The following CEP112 variants were observed in gnomAD, a reference collection of about 807,000 sequenced individuals.
CEP112 encodes centrosomal protein 112.
CEP112 carries 127 observed loss-of-function variants against 153.0 expected under a neutral mutation model. The ratio of observed to expected loss-of-function variants is 0.83; its 90% CI spans 0.72 to 0.96. CEP112 has a LOEUF of 0.96. Among genes scored for constraint, CEP112 ranks in the 40% least tolerant of loss-of-function variants. The pLI, the probability that CEP112 is intolerant of heterozygous loss-of-function variation, is 0.00. For synonymous variants in CEP112, 358 were observed against 374.4 expected, an observed-to-expected ratio of 0.96 and a Z score of 0.51; for missense variants, 1,089 against 1,101.2, an observed-to-expected ratio of 0.99 and a Z score of 0.16.
intron 6 of CEP112, among the ~76,000 whole-genome samples, chr17:66,115,478 C>T (rs2069247752): frequency 6.6e-6 from 1 of 152,174 alleles, no homozygotes; most frequent in South Asian, 2.1e-4. Flanking sequence ...CCCAAGAGTC[C>T]CATAGACAGT....
chr17:66,111,791 A>G (rs1300734462), intron 6 of CEP112, among the ~76,000 whole-genome samples: 1 of 152,126 alleles, frequency 6.6e-6, no homozygotes, highest in Non-Finnish European at 1.5e-5. Flanking sequence ...ACATGTGTTT[A>G]CCTATGTAGC....
intron 23 of CEP112, among the ~76,000 whole-genome samples, chr17:65,712,968 A>G (rs1405561186): frequency 1.3e-5 from 2 of 152,240 alleles, no homozygotes; most frequent in Non-Finnish European, 2.9e-5. Flanking sequence ...AAAACTGGAC[A>G]TAAAAAGTAA....
At chr17:65,751,125 A>T (rs938826181) in intron 21 of CEP112, 4 of 164,200 alleles carry the variant, frequency 2.4e-5, no homozygotes, top group African/African-American at 7.3e-5. Context: ...CACCTTAATT[A>T]AAAAAATAAA....
At chr17:65,793,095 A>G (rs2054692155) in intron 21 of CEP112, among the ~76,000 whole-genome samples, 1 of 152,166 alleles carries the variant, frequency 6.6e-6, no homozygotes, top group Non-Finnish European at 1.5e-5. Flanking sequence ...TAGACCAATA[A>G]CGGAGTAACA....
At chr17:65,737,451 AG>A (rs1272958573) in intron 23 of CEP112, among the ~76,000 whole-genome samples, 1 of 152,172 alleles carries the variant, frequency 6.6e-6, no homozygotes, top group Non-Finnish European at 1.5e-5. Flanking sequence ...GGCTGACAGT[AG>A]GGGAGACGGA....
chr17:66,179,772 TAAAGG>T (rs2072639735), intron 2 of CEP112, among the ~76,000 whole-genome samples: 1 of 152,152 alleles, frequency 6.6e-6, no homozygotes, highest in African/African-American at 2.4e-5. Flanking sequence ...TTCCAGATCT[TAAAGG>T]AAAGGCTTTC....
intron 3 of CEP112, among the ~76,000 whole-genome samples, chr17:66,175,542 C>T (rs1183296605): frequency 6.6e-6 from 1 of 152,048 alleles, no homozygotes; most frequent in Admixed American, 6.6e-5. Context: ...TAATTATGTG[C>T]CATCCTATCT....
chr17:65,639,176 GT>G (rs1455952659), intron 25 of CEP112, among the ~76,000 whole-genome samples: 32 of 152,132 alleles, frequency 2.1e-4, no homozygotes, highest in African/African-American at 7.7e-4. Context: ...GATAAGAGAA[GT>G]TTTACTAGGG....
chr17:66,164,556 CAAA>C (rs11317339), intron 4 of CEP112, among the ~76,000 whole-genome samples: 32 of 104,526 alleles, frequency 3.1e-4, no homozygotes, highest in Admixed American at 3.1e-4. Context: ...AACTCTATCT[CAAA>C]AAAAAAAAAA....
chr17:66,067,919 G>C (rs1373075), intron 9 of CEP112, among the ~76,000 whole-genome samples: 143,915 of 152,150 alleles, frequency 0.95, 68,156 homozygotes, highest in East Asian at 0.98. Flanking sequence ...CACAAGCACC[G>C]TTCTATCCTC....
At chr17:65,663,322 A>G (rs1447980984) in intron 24 of CEP112, among the ~76,000 whole-genome samples, 1 of 152,186 alleles carries the variant, frequency 6.6e-6, no homozygotes. Context: ...TTGTAAACTT[A>G]GGTTAATATA....
intron 18 of CEP112, among the ~76,000 whole-genome samples, chr17:65,959,893 A>G (rs1299304930): frequency 6.6e-6 from 1 of 152,208 alleles, no homozygotes; most frequent in African/African-American, 2.4e-5. Context: ...GCCTGAGCCA[A>G]GAGCAGCGTA....
chr17:66,111,610 G>A (rs1427545088), intron 6 of CEP112, among the ~76,000 whole-genome samples: 1 of 152,048 alleles, frequency 6.6e-6, no homozygotes, highest in Non-Finnish European at 1.5e-5. Flanking sequence ...CACAGGAACA[G>A]AAAACCAAAT....
At chr17:66,000,617 G>A (rs1227659643) in intron 17 of CEP112, among the ~76,000 whole-genome samples, 7 of 152,042 alleles carry the variant, frequency 4.6e-5, no homozygotes, top group East Asian at 3.9e-4. Flanking sequence ...ATAACACTTC[G>A]GTGGCAGCAG....
intron 12 of CEP112, among the ~76,000 whole-genome samples, chr17:66,053,527 G>T (rs970951271): frequency 6.6e-6 from 1 of 151,780 alleles, no homozygotes; most frequent in South Asian, 2.1e-4. Context: ...TAAATAAAAA[G>T]CAGCATTAAA....
intron 21 of CEP112, among the ~76,000 whole-genome samples, chr17:65,755,005 TGTG>T (rs2052157662): frequency 6.6e-6 from 1 of 151,998 alleles, no homozygotes; most frequent in South Asian, 2.1e-4. Context: ...TGGGTTGGTC[TGTG>T]CAGCAAACCA....
chr17:66,051,371 TATA>T (rs1419390733), intron 12 of CEP112, among the ~76,000 whole-genome samples: 7 of 148,800 alleles, frequency 4.7e-5, no homozygotes, highest in East Asian at 1.9e-4. Flanking sequence ...TGTATATTAA[TATA>T]ATATTTTATG....
intron 24 of CEP112, chr17:65,655,342 A>G (rs995551455): frequency 4.5e-6 from 7 of 1,569,550 alleles, no homozygotes; most frequent in Admixed American, 3.3e-5. Context: ...AATCTTGCCA[A>G]ATTACCACCA....
At chr17:65,966,499 T>TC (rs2062420892) in intron 17 of CEP112, among the ~76,000 whole-genome samples, 1 of 152,150 alleles carries the variant, frequency 6.6e-6, no homozygotes, top group Non-Finnish European at 1.5e-5. Flanking sequence ...GCTTGGCATC[T>TC]CCCCTGGAAA....
Sources: allele counts gnomAD v4.1 joint callset (sites outside exome capture counted in the v4.1 genomes callset), GRCh38; gene constraint gnomAD v4.1.1; transcripts MANE v1.5; gene names NCBI Gene and HGNC (gene_info 2026-07-23, HGNC 2026-07-21).